Variants in CHD1L observed in about 807,000 individuals in gnomAD.
CHD1L encodes ATP-dependent chromatin remodeler CHD1L.
A neutral mutation model predicts 115.9 loss-of-function variants in CHD1L; 118 were observed. The ratio of observed to expected loss-of-function variants is 1.02; its 90% CI spans 0.88 to 1.19. CHD1L has a LOEUF of 1.19. Ranked by LOEUF, CHD1L falls within the 50% of genes most tolerant of loss-of-function variation. CHD1L has a pLI of 0.00. For missense variants in CHD1L, 1,179 were observed against 1,065.3 expected (o/e 1.11, Z -1.49); for synonymous variants, 411 against 387.1 (o/e 1.06, Z -0.72).
chr1:147,272,309 A>G, intron 12 of CHD1L, 28 bp downstream of exon 12: 2 of 1,443,254 alleles, frequency 1.4e-6, no homozygotes, highest in Non-Finnish European at 2.0e-6. Flanking sequence ...TGATGGAAAC[A>G]GACAAATGAG....
intron 14 of CHD1L, among the ~76,000 whole-genome samples, chr1:147,279,806 G>A (rs587651238): frequency 6.6e-6 from 1 of 152,222 alleles, no homozygotes; most frequent in East Asian, 1.9e-4. Context: ...AATTGTCAAA[G>A]TCAATACCTC....
At chr1:147,176,216 T>C in the CHD1L span, 1 of 152,142 alleles carries the variant, frequency 6.6e-6, no homozygotes, top group South Asian at 2.1e-4. Flanking sequence ...TACCATTGAT[T>C]TTAATCTTTT....
At chr1:147,233,452 C>T in the CHD1L span, among the ~76,000 whole-genome samples, 647 of 121,082 alleles carry the variant, frequency 5.3e-3, 4 homozygotes, top group African/African-American at 0.024. Flanking sequence ...CGGCCAGCCG[C>T]CCCGTCCGGG....
At chr1:147,270,837 T>C in intron 10 of CHD1L, 95 bp from the exon 11 acceptor site, 1 of 976,830 alleles carries the variant, frequency 1.0e-6, no homozygotes, top group Admixed American at 1.8e-5. Flanking sequence ...TGGTATTTAT[T>C]TATAAACTTT....
At chr1:147,248,636 C>T (rs2102299398) in intron 1 of CHD1L, among the ~76,000 whole-genome samples, 1 of 152,174 alleles carries the variant, frequency 6.6e-6, no homozygotes, top group East Asian at 1.9e-4. Context: ...TTCTTGCCTT[C>T]CTGTGAATTA....
chr1:147,218,100 C>T, the CHD1L span, among the ~76,000 whole-genome samples: 1 of 152,042 alleles, frequency 6.6e-6, no homozygotes, highest in Non-Finnish European at 1.5e-5. Context: ...AAAATTTTGT[C>T]CCAAGAAAAA....
chr1:147,295,182 A>C (rs955260109), intron 22 of CHD1L, among the ~76,000 whole-genome samples: 2 of 152,208 alleles, frequency 1.3e-5, no homozygotes, highest in African/African-American at 2.4e-5. Context: ...AAGATATTTA[A>C]ATCACTGTAA....
the CHD1L span, chr1:147,225,211 T>C: frequency 7.0e-7 from 1 of 1,429,186 alleles, no homozygotes; most frequent in South Asian, 1.5e-5. Flanking sequence ...AGAGGAAATC[T>C]TTCTGCTGGC....
the CHD1L span, among the ~76,000 whole-genome samples, chr1:147,173,843 A>T: frequency 2.0e-5 from 3 of 152,210 alleles, no homozygotes; most frequent in East Asian, 5.8e-4. Flanking sequence ...CAGAGAGCAG[A>T]TCCAGATTTG....
intron 8 of CHD1L, among the ~76,000 whole-genome samples, chr1:147,267,046 C>T (rs2102589810): frequency 6.6e-6 from 1 of 152,258 alleles, no homozygotes; most frequent in South Asian, 2.1e-4. Flanking sequence ...GAGTGCAAAA[C>T]TTTTTTGTTG....
chr1:147,232,579 G>C, the CHD1L span, among the ~76,000 whole-genome samples: 1 of 151,938 alleles, frequency 6.6e-6, no homozygotes, highest in Non-Finnish European at 1.5e-5. Context: ...CTGCCATCTT[G>C]GCTCACTGCA....
chr1:147,208,313 A>G, the CHD1L span: 1 of 152,364 alleles, frequency 6.6e-6, no homozygotes, highest in Non-Finnish European at 1.5e-5. Context: ...GGGGAATGAG[A>G]AAAGGGTTAC....
At chr1:147,249,519 C>A (rs1007646431) in intron 1 of CHD1L, among the ~76,000 whole-genome samples, 1 of 147,144 alleles carries the variant, frequency 6.8e-6, no homozygotes, top group Non-Finnish European at 1.5e-5. Flanking sequence ...AATTTTCGTG[C>A]CTCAGCCTCC....
At chr1:147,259,681 T>C (rs902353884) in intron 5 of CHD1L, 156 bp from the exon 6 acceptor site, 4 of 643,020 alleles carry the variant, frequency 6.2e-6, no homozygotes, top group Non-Finnish European at 1.1e-5. Context: ...ATTATGCACA[T>C]GTAGCCTCTC....
the CHD1L span, among the ~76,000 whole-genome samples, chr1:147,181,256 G>T: frequency 6.6e-6 from 1 of 152,080 alleles, no homozygotes; most frequent in African/African-American, 2.4e-5. Flanking sequence ...GATTTTGGGA[G>T]GTTTCTTACC....
intron 18 of CHD1L, among the ~76,000 whole-genome samples, chr1:147,286,911 G>T (rs1354576709): frequency 1.3e-5 from 2 of 152,082 alleles, no homozygotes; most frequent in African/African-American, 4.8e-5. Flanking sequence ...CACATCAAGT[G>T]TTGTTCAAAT....
chr1:147,239,781 C>A (rs1664712341), upstream of CHD1L, among the ~76,000 whole-genome samples: 1 of 152,122 alleles, frequency 6.6e-6, no homozygotes, highest in Admixed American at 6.5e-5. Context: ...TATTCTGTTA[C>A]AACAAATGTA....
chr1:147,289,250 T>C (rs1214931655), intron 19 of CHD1L, among the ~76,000 whole-genome samples: 2 of 151,708 alleles, frequency 1.3e-5, no homozygotes, highest in African/African-American at 4.8e-5. Context: ...GGAGAGAGGA[T>C]GGAGAAATGA....
At chr1:147,228,896 A>G in the CHD1L span, among the ~76,000 whole-genome samples, 1 of 151,954 alleles carries the variant, frequency 6.6e-6, no homozygotes, top group African/African-American at 2.4e-5. Context: ...TTCATTGTAG[A>G]TTCTGGATAT....
Sources: gnomAD v4.1 joint callset for allele counts (sites outside exome capture counted in the v4.1 genomes callset) on GRCh38, gnomAD v4.1.1 for gene constraint, MANE v1.5 for transcripts, NCBI Gene and HGNC (gene_info 2026-07-23, HGNC 2026-07-21) for gene names.